C12orf42: variants seen among roughly 807,000 people sequenced by gnomAD.
The protein encoded by C12orf42 is uncharacterized protein C12orf42.
In C12orf42, 25 loss-of-function variants were observed where a neutral mutation model predicts 21.6. That is an observed-to-expected ratio of 1.16 (90% CI 0.84 to 1.62). C12orf42 has a LOEUF of 1.62. C12orf42 is among the 40% of genes most tolerant of loss of function. C12orf42 has a pLI of 0.00. For missense variants in C12orf42, 483 were observed against 459.3 expected (o/e 1.05, Z -0.47); for synonymous variants, 174 against 175.0 (o/e 0.99, Z 0.05).
chr12:103,080,945 T>G, the C12orf42 span: 1 of 152,196 alleles, frequency 6.6e-6, no homozygotes, highest in Admixed American at 6.5e-5. Flanking sequence ...GGGCTGGGAT[T>G]TGAACCCAGA....
chr12:103,068,226 T>A, the C12orf42 span, among the ~76,000 whole-genome samples: 3 of 152,218 alleles, frequency 2.0e-5, no homozygotes, highest in Non-Finnish European at 4.4e-5. Flanking sequence ...TGTGCATATA[T>A]ACACTTGTAC....
At chr12:103,240,369 A>C (rs1284960846) in intron 10 of C12orf42, among the ~76,000 whole-genome samples, 1 of 152,214 alleles carries the variant, frequency 6.6e-6, no homozygotes, top group Non-Finnish European at 1.5e-5. Context: ...TTCTATTGTC[A>C]TCACCCTTAG....
At chr12:103,133,535 C>T in the C12orf42 span, among the ~76,000 whole-genome samples, 1 of 152,190 alleles carries the variant, frequency 6.6e-6, no homozygotes, top group Non-Finnish European at 1.5e-5. Context: ...AACTTCACCA[C>T]TGCCTCCATT....
At chr12:103,231,875 A>G in the C12orf42 span, among the ~76,000 whole-genome samples, 1 of 152,198 alleles carries the variant, frequency 6.6e-6, no homozygotes. Flanking sequence ...TTAGTTTTGT[A>G]GAAAACTGCC....
the C12orf42 span, among the ~76,000 whole-genome samples, chr12:103,196,209 A>G: frequency 1.3e-5 from 2 of 152,052 alleles, no homozygotes; most frequent in Non-Finnish European, 1.5e-5. Flanking sequence ...ATTCAAGAGG[A>G]GATTGTTTAA....
At chr12:103,268,728 T>A (rs1161505894) in exon 7 of C12orf42, 1 of 152,242 alleles carries the variant, frequency 6.6e-6, no homozygotes, top group African/African-American at 2.4e-5. Flanking sequence ...AAGTTTAAGC[T>A]TTGGAGTGAG....
intron 2 of C12orf42, among the ~76,000 whole-genome samples, chr12:103,469,651 C>A (rs1392037967): frequency 1.3e-5 from 2 of 152,128 alleles, no homozygotes; most frequent in Non-Finnish European, 2.9e-5. Context: ...ATCTTGGTCT[C>A]CCACTCTAAT....
intron 10 of C12orf42, among the ~76,000 whole-genome samples, chr12:103,256,111 T>TATATATACAC (rs1439188517): frequency 7.4e-4 from 25 of 33,850 alleles, no homozygotes; most frequent in Admixed American, 1.7e-3. Context: ...TATATATATA[T>TATATATACAC]ACACACACAC....
downstream of C12orf42, among the ~76,000 whole-genome samples, chr12:103,236,482 G>A (rs570727332): frequency 1.3e-5 from 2 of 152,270 alleles, no homozygotes; most frequent in South Asian, 4.1e-4. Flanking sequence ...ATGTAGGTTT[G>A]CACTTGGATG....
chr12:103,220,161 C>G, the C12orf42 span, among the ~76,000 whole-genome samples: 1 of 152,102 alleles, frequency 6.6e-6, no homozygotes, highest in South Asian at 2.1e-4. Context: ...AACACAGGAA[C>G]AGAAAACCAA....
intron 4 of C12orf42, among the ~76,000 whole-genome samples, chr12:103,335,622 A>C (rs569271059): frequency 2.0e-5 from 3 of 152,342 alleles, no homozygotes; most frequent in African/African-American, 7.2e-5. Context: ...CTGCAGACAT[A>C]CAAACCCTGA....
chr12:103,285,861 C>T lies in C12orf42; in HGVS notation n.338-8651G>A, dbSNP rs142080305. 3.8e-3 allele frequency among the ~76,000 whole-genome samples: 572 copies of T among 152,224 alleles called. 2 individuals are homozygous for T. The highest frequency in any genetic ancestry group is 0.014 in the Middle Eastern group (4 of 294). ...AACTGAAAATATAACTCTGTGAAAG[C>T]AGGGATTTTTGTCTGCGTAATGCTG... On this transcript the variant is annotated intron_variant and non_coding_transcript_variant, in intron 4 of 6. Transcript: ENST00000546526.
chr12:103,492,734 G>T (rs1955261442), intron 1 of C12orf42, among the ~76,000 whole-genome samples: 1 of 152,078 alleles, frequency 6.6e-6, no homozygotes, highest in East Asian at 1.9e-4. Flanking sequence ...AAGGATGAGG[G>T]CATAGGGCAA....
chr12:103,116,323 C>T, the C12orf42 span, among the ~76,000 whole-genome samples: 2 of 149,470 alleles, frequency 1.3e-5, no homozygotes, highest in African/African-American at 4.9e-5. Flanking sequence ...GAGATCACGC[C>T]ATTGCACTCC....
the C12orf42 span, among the ~76,000 whole-genome samples, chr12:103,151,661 G>C: frequency 6.6e-6 from 1 of 152,104 alleles, no homozygotes; most frequent in Non-Finnish European, 1.5e-5. Flanking sequence ...TGAACATTTT[G>C]ATAGATGCAG....
At chr12:103,194,802 A>G in the C12orf42 span, among the ~76,000 whole-genome samples, 3 of 152,088 alleles carry the variant, frequency 2.0e-5, no homozygotes, top group South Asian at 4.1e-4. Flanking sequence ...ATTTTTTCCA[A>G]CTTTTATTTT....
At chr12:103,543,147 C>A in the C12orf42 span, among the ~76,000 whole-genome samples, 1 of 152,148 alleles carries the variant, frequency 6.6e-6, no homozygotes, top group African/African-American at 2.4e-5. Flanking sequence ...CATTGAGGAG[C>A]TCCTAGAGGT....
the C12orf42 span, among the ~76,000 whole-genome samples, chr12:103,048,922 C>T: frequency 2.6e-5 from 4 of 152,044 alleles, no homozygotes; most frequent in Non-Finnish European, 4.4e-5. Context: ...TCTCACTAAC[C>T]TTCTTTATCC....
intron 2 of C12orf42, among the ~76,000 whole-genome samples, chr12:103,460,098 C>G (rs1430250317): frequency 1.3e-5 from 2 of 152,170 alleles, no homozygotes; most frequent in Non-Finnish European, 2.9e-5. Context: ...GCTCGCTGTT[C>G]TGATGGATAA....
Sources: allele counts gnomAD v4.1 joint callset (sites outside exome capture counted in the v4.1 genomes callset), GRCh38; gene constraint gnomAD v4.1.1; transcripts MANE v1.5; gene names NCBI Gene and HGNC (gene_info 2026-07-23, HGNC 2026-07-21).